The following SLC36A1 variants were observed in gnomAD, a reference collection of about 807,000 sequenced individuals.
SLC36A1 encodes the protein solute carrier family 36 member 1, also known as proton-coupled amino acid transporter 1.
SLC36A1 carries 30 observed loss-of-function variants against 47.5 expected under a neutral mutation model. The ratio of observed to expected loss-of-function variants is 0.63; its 90% CI spans 0.47 to 0.86. The LOEUF is 0.86. Among genes scored for constraint, SLC36A1 ranks in the 40% least tolerant of loss-of-function variants. SLC36A1 has a pLI of 0.00. For synonymous variants in SLC36A1, 255 were observed against 249.7 expected, an observed-to-expected ratio of 1.02 and a Z score of -0.20; for missense variants, 517 against 606.0, an observed-to-expected ratio of 0.85 and a Z score of 1.54.
the SLC36A1 span, chr5:151,549,377 G>A: frequency 1.2e-6 from 2 of 1,613,928 alleles, no homozygotes. Flanking sequence ...CTGTGCCGGG[G>A]GCTATGGTGT....
At chr5:151,483,525 G>GGC (rs1759122677) in intron 10 of SLC36A1, among the ~76,000 whole-genome samples, 1 of 148,784 alleles carries the variant, frequency 6.7e-6, no homozygotes, top group African/African-American at 2.5e-5. Context: ...TGTGGGGGGG[G>GGC]TGATTAGGGG....
chr5:151,450,573 A>C (rs575032164), intron 1 of SLC36A1, among the ~76,000 whole-genome samples: 2 of 151,880 alleles, frequency 1.3e-5, no homozygotes, highest in Non-Finnish European at 2.9e-5. Context: ...TGGATGGAGC[A>C]GATGTCCACT....
At chr5:151,551,428 C>T in the SLC36A1 span, 5 of 1,601,626 alleles carry the variant, frequency 3.1e-6, no homozygotes, top group African/African-American at 6.7e-5. Flanking sequence ...GGCCTTCCAT[C>T]TCCTCTCAAT....
At chr5:151,385,037 T>TGTGTGTGTGTGTGTGTGTGA in the SLC36A1 span, among the ~76,000 whole-genome samples, 31 of 142,200 alleles carry the variant, frequency 2.2e-4, no homozygotes, top group African/African-American at 8.6e-4. Flanking sequence ...TGTGTGTGTG[T>TGTGTGTGTGTGTGTGTGTGA]GAGAGAGAGA....
At chr5:151,474,836 C>T (rs1374371939) in intron 8 of SLC36A1, among the ~76,000 whole-genome samples, 1 of 152,196 alleles carries the variant, frequency 6.6e-6, no homozygotes, top group Non-Finnish European at 1.5e-5. Context: ...CCAAGGGCGC[C>T]ACAAATGGGA....
chr5:151,433,243 T>TA (rs1759502542), upstream of SLC36A1, among the ~76,000 whole-genome samples: 1 of 12,062 alleles, frequency 8.3e-5, no homozygotes, highest in South Asian at 2.4e-3. Context: ...TATATATATA[T>TA]ATATATATAT....
upstream of SLC36A1, among the ~76,000 whole-genome samples, chr5:151,436,293 A>G (rs567137540): frequency 6.6e-6 from 1 of 152,286 alleles, no homozygotes; most frequent in African/African-American, 2.4e-5. Flanking sequence ...GTCACCATAA[A>G]TTAGTTTTGC....
chr5:151,546,000 A>G, the SLC36A1 span: 1 of 1,614,218 alleles, frequency 6.2e-7, no homozygotes. Flanking sequence ...AAATAAGGCC[A>G]GAATATGAGT....
chr5:151,485,350 C>T (rs958997378), intron 10 of SLC36A1, among the ~76,000 whole-genome samples: 5 of 152,176 alleles, frequency 3.3e-5, no homozygotes, highest in African/African-American at 4.8e-5. Context: ...ATCTGAGACT[C>T]GATATCCTTG....
At chr5:151,459,477 G>T (rs1490776057) in intron 2 of SLC36A1, among the ~76,000 whole-genome samples, 1 of 152,238 alleles carries the variant, frequency 6.6e-6, no homozygotes, top group Non-Finnish European at 1.5e-5. Flanking sequence ...TTTGGGCTGA[G>T]TTTGGCCCGC....
chr5:151,526,901 CA>C, the SLC36A1 span, among the ~76,000 whole-genome samples: 12 of 152,184 alleles, frequency 7.9e-5, no homozygotes, highest in East Asian at 2.1e-3. Context: ...TGGAAACAAA[CA>C]AAAAAATCCC....
chr5:151,431,199 A>G, the SLC36A1 span: 1 of 152,210 alleles, frequency 6.6e-6, no homozygotes, highest in African/African-American at 2.4e-5. Context: ...TCTTTGGATT[A>G]CTAGAAAGAA....
chr5:151,398,048 G>A, the SLC36A1 span, among the ~76,000 whole-genome samples: 6 of 152,248 alleles, frequency 3.9e-5, no homozygotes, highest in African/African-American at 1.2e-4. Flanking sequence ...AGCCCAGGAG[G>A]TTGAGGCTAT....
At chr5:151,429,622 T>G in the SLC36A1 span, among the ~76,000 whole-genome samples, 1 of 152,006 alleles carries the variant, frequency 6.6e-6, no homozygotes, top group Non-Finnish European at 1.5e-5. Context: ...TTTTAAAAGG[T>G]TTGGGCTCAG....
chr5:151,542,007 A>T, the SLC36A1 span, among the ~76,000 whole-genome samples: 34 of 152,304 alleles, frequency 2.2e-4, no homozygotes, highest in South Asian at 6.8e-3. Flanking sequence ...TTAGAGTATG[A>T]CTCATGTAAA....
the SLC36A1 span, among the ~76,000 whole-genome samples, chr5:151,395,811 T>C: frequency 2.3e-4 from 35 of 152,214 alleles, no homozygotes; most frequent in South Asian, 7.3e-3. Context: ...TTCTTATTTA[T>C]TATTATTATT....
the SLC36A1 span, among the ~76,000 whole-genome samples, chr5:151,539,300 G>A: frequency 6.6e-6 from 1 of 152,188 alleles, no homozygotes; most frequent in East Asian, 1.9e-4. Flanking sequence ...GAAAAGGTGA[G>A]GAGATATATG....
chr5:151,506,817 TCTC>T, the SLC36A1 span, among the ~76,000 whole-genome samples: 4 of 152,076 alleles, frequency 2.6e-5, no homozygotes, highest in Non-Finnish European at 5.9e-5. Context: ...TTAGACCACT[TCTC>T]CTTTCCCTTC....
the SLC36A1 span, among the ~76,000 whole-genome samples, chr5:151,376,413 T>A: frequency 6.6e-6 from 1 of 152,310 alleles, no homozygotes; most frequent in South Asian, 2.1e-4. Context: ...GTTTTCAATT[T>A]CATTTAGTTC....
Sources: allele counts gnomAD v4.1 joint callset (sites outside exome capture counted in the v4.1 genomes callset), GRCh38; gene constraint gnomAD v4.1.1; transcripts MANE v1.5; gene names NCBI Gene and HGNC (gene_info 2026-07-23, HGNC 2026-07-21).